TBCK: variants seen among roughly 807,000 people sequenced by gnomAD.
The protein encoded by TBCK is TBC1 domain containing kinase.
In TBCK, 99 loss-of-function variants were observed where a neutral mutation model predicts 113.4. The ratio of observed to expected loss-of-function variants is 0.87; its 90% CI spans 0.74 to 1.03. TBCK has a LOEUF of 1.03. TBCK is among the 50% of genes least tolerant of loss of function. The probability of loss-of-function intolerance (pLI) is 0.00; values close to 1 mark genes in which losing one functional copy is unlikely to be tolerated. For missense variants in TBCK, 1,045 were observed against 1,061.3 expected, an observed-to-expected ratio of 0.98 and a Z score of 0.21; for synonymous variants, 369 against 370.8, an observed-to-expected ratio of 1.00 and a Z score of 0.05.
At chr4:106,058,466 T>G (rs1735680294) in intron 25 of TBCK, among the ~76,000 whole-genome samples, 1 of 151,776 alleles carries the variant, frequency 6.6e-6, no homozygotes, top group African/African-American at 2.4e-5. Flanking sequence ...GATACTTAGT[T>G]CCAGACTTGA....
intron 23 of TBCK, among the ~76,000 whole-genome samples, chr4:106,131,853 G>A (rs1192760897): frequency 2.6e-5 from 4 of 152,152 alleles, no homozygotes; most frequent in Non-Finnish European, 5.9e-5. Flanking sequence ...GGCTGAGGTA[G>A]TCTCAGATGT....
At chr4:106,055,856 A>G (rs1320904886) in intron 25 of TBCK, among the ~76,000 whole-genome samples, 1 of 151,596 alleles carries the variant, frequency 6.6e-6, no homozygotes, top group Non-Finnish European at 1.5e-5. Context: ...CTTTTCAACA[A>G]TCTCTTATTG....
chr4:106,290,461 C>A (rs1342189415), intron 3 of TBCK, among the ~76,000 whole-genome samples: 12 of 152,130 alleles, frequency 7.9e-5, no homozygotes, highest in Non-Finnish European at 2.9e-5. Flanking sequence ...CAGGCATGAG[C>A]CACCACACCC....
intron 20 of TBCK, among the ~76,000 whole-genome samples, chr4:106,202,177 A>G (rs1754961772): frequency 3.9e-5 from 1 of 25,342 alleles, no homozygotes; most frequent in Admixed American, 2.5e-4. Flanking sequence ...CAAAAGATAC[A>G]CACTTTTTTT....
At chr4:106,208,095 A>G (rs1433767008) in intron 20 of TBCK, among the ~76,000 whole-genome samples, 1 of 152,206 alleles carries the variant, frequency 6.6e-6, no homozygotes, top group Non-Finnish European at 1.5e-5. Context: ...CCTATCCCAC[A>G]AAGAATTACT....
chr4:106,231,667 G>A (rs1381798069), intron 18 of TBCK, 62 bp downstream of exon 18: 3 of 1,484,488 alleles, frequency 2.0e-6, no homozygotes, highest in African/African-American at 2.8e-5. Flanking sequence ...AACCTTTCAT[G>A]TGTGAATCAA....
chr4:106,213,797 G>A (rs1399296616), intron 19 of TBCK: 4 of 156,280 alleles, frequency 2.6e-5, no homozygotes, highest in East Asian at 1.9e-4. Context: ...GGGGAGGGGC[G>A]CCCACCATTG....
intron 25 of TBCK, among the ~76,000 whole-genome samples, chr4:106,053,215 A>C (rs1301165466): frequency 6.6e-6 from 1 of 151,580 alleles, no homozygotes; most frequent in Non-Finnish European, 1.5e-5. Context: ...CTTTTAATCT[A>C]ATGGTTTGTC....
Position 106,260,450 on chromosome 4 carries a change from C to A in TBCK, c.442G>T (p.Asp148Tyr). Residue 148 changes from aspartate (D) to tyrosine (Y), a missense_variant, in exon 5 of 26, where the codon GAT becomes TAT. Coordinates refer to ENST00000394708, the MANE Select transcript of TBCK (RefSeq NM_001163435.3). ...YHMTAHGDDV[D>Y]FPIGYPSYLA... ...ACATATCCTTACCCTATTGGGAAATCAACATCATCACCATGAGCTGTCATG... is the reference window on the plus strand; with the variant it reads ...ACATATCCTTACCCTATTGGGAAATAAACATCATCACCATGAGCTGTCATG... The A allele has an allele frequency of 7.3e-7, 1 of 1,374,204 alleles. No homozygotes were observed. The highest frequency in any genetic ancestry group is 1.8e-5 in the South Asian group (1 of 54,968). 85.1% of individuals were successfully genotyped at this position (1,374,204 alleles called of 1,614,324 possible). A position where few individuals can be genotyped will look rare whatever the true frequency, so the allele number is the denominator to read the frequency against.
intron 25 of TBCK, among the ~76,000 whole-genome samples, chr4:106,061,814 G>A (rs1312092766): frequency 6.6e-6 from 1 of 151,718 alleles, no homozygotes; most frequent in East Asian, 1.9e-4. Flanking sequence ...CAAACGCATA[G>A]ATTCAAATGT....
chr4:106,046,232 C>A lies in TBCK; in HGVS notation c.*338G>T, dbSNP rs907350442. 14 of 204,570 alleles carry A rather than the reference C, an allele frequency of 6.8e-5. No homozygotes were observed. Among genetic ancestry groups the A allele is most frequent in the African/African-American group, 3.1e-4 (13 of 42,438 alleles). 12.7% of individuals were successfully genotyped at this position (204,570 alleles called of 1,614,324 possible). The stretch of plus-strand genomic sequence containing the variant: ...AATCGACAGGACTGTCTGTTCAGTA[C>A]AATGGAGGACAGCTTTTTCAGGGCA... On this transcript the variant is annotated 3_prime_UTR_variant, in exon 26 of 26. Coordinates refer to ENST00000394708, the MANE Select transcript of TBCK (RefSeq NM_001163435.3).
intron 25 of TBCK, among the ~76,000 whole-genome samples, chr4:106,085,889 C>T (rs749606912): frequency 8.6e-5 from 13 of 151,882 alleles, no homozygotes; most frequent in Admixed American, 2.0e-4. Context: ...AATCAAGTTC[C>T]TTGAAATCAA....
intron 8 of TBCK, 147 bp from the exon 9 acceptor site, chr4:106,248,453 ATACT>A (rs1761077515): frequency 1.7e-6 from 1 of 572,722 alleles, no homozygotes; most frequent in Non-Finnish European, 3.0e-6. Context: ...GAAAAAGCAA[ATACT>A]TAAAGAGAAA....
At chr4:106,067,181 TG>T (rs1736741658) in intron 25 of TBCK, among the ~76,000 whole-genome samples, 1 of 152,156 alleles carries the variant, frequency 6.6e-6, no homozygotes, top group South Asian at 2.1e-4. Context: ...CACTTGGGTG[TG>T]AAGAGCTATC....
rs58899758 is a variant in TBCK at position 106,288,106 on chromosome 4, TAA to T, written c.266+6986_266+6987del. On this transcript the variant is annotated intron_variant, in intron 3 of 25. Coordinates refer to ENST00000394708, the MANE Select transcript of TBCK (RefSeq NM_001163435.3). ...AGTGAATAACTCAACAACCCTTTCT[TAA>T]AAAAAAAAAAAAAAAAAATTAAGGT... Among the ~76,000 whole-genome samples the T allele has an allele frequency of 2.7e-3, 356 of 131,856 alleles. 1 individual carries two copies. The highest frequency in any genetic ancestry group is 8.5e-3 in the African/African-American group (306 of 36,062). 86.5% of individuals were successfully genotyped at this position (131,856 alleles called of 152,430 possible).
At chr4:106,244,523 C>T in intron 11 of TBCK, 103 bp downstream of exon 11, 1 of 1,041,764 alleles carries the variant, frequency 9.6e-7, no homozygotes, top group Non-Finnish European at 1.2e-6. Context: ...TAAAAACAAC[C>T]AATTTAAAAA....
At chr4:106,102,732 C>T (rs1741698183) in intron 24 of TBCK, among the ~76,000 whole-genome samples, 1 of 152,000 alleles carries the variant, frequency 6.6e-6, no homozygotes, top group Non-Finnish European at 1.5e-5. Context: ...AAAAGCAAAA[C>T]AGAAGATAAA....
chr4:106,182,017 A>G (rs1752455372), intron 22 of TBCK, among the ~76,000 whole-genome samples: 1 of 152,128 alleles, frequency 6.6e-6, no homozygotes, highest in African/African-American at 2.4e-5. Flanking sequence ...ATGTTTTTCC[A>G]TTGGTTTGTG....
chr4:106,146,783 C>T (rs1747856614), intron 23 of TBCK, among the ~76,000 whole-genome samples: 1 of 152,134 alleles, frequency 6.6e-6, no homozygotes, highest in African/African-American at 2.4e-5. Context: ...GTGAAGTTTG[C>T]TGCATCAATG....
Sources: gnomAD v4.1 joint callset for allele counts (sites outside exome capture counted in the v4.1 genomes callset) on GRCh38, gnomAD v4.1.1 for gene constraint, MANE v1.5 for transcripts, NCBI Gene and HGNC (gene_info 2026-07-23, HGNC 2026-07-21) for gene names.